Variants in RBM48 observed in about 807,000 individuals in gnomAD.
The protein encoded by RBM48 is RNA-binding protein 48.
In RBM48, 32 loss-of-function variants were observed where a neutral mutation model predicts 34.8. That is an observed-to-expected ratio of 0.92 (90% confidence interval 0.69 to 1.23). RBM48 has a LOEUF of 1.23. Among genes scored for constraint, RBM48 ranks in the 50% most tolerant of loss-of-function variants. The pLI is 0.00. For missense variants in RBM48, 441 were observed against 447.2 expected, an observed-to-expected ratio of 0.99 and a Z score of 0.12; for synonymous variants, 151 against 156.2, an observed-to-expected ratio of 0.97 and a Z score of 0.25.
Position 92,536,098 on chromosome 7 carries a change from C to T in RBM48, c.1018-753C>T, listed in dbSNP as rs531722074. The T allele has an allele frequency of 2.6e-4, 244 of 923,826 alleles. No homozygotes were observed. The African/African-American group carries it at 3.9e-3, about 15-fold the overall frequency. 57.2% of individuals were successfully genotyped at this position (923,826 alleles called of 1,614,324 possible). ...TGAGCCAAGATCATGCCACTGCACT[C>T]CAGCCTGGGTGACAGTGTGAGACCC... On this transcript the variant is annotated intron_variant, in intron 4 of 4. Transcript: ENST00000265732.
rs201986963 is a variant in RBM48, at chr7:92,534,828, G to A, written c.875G>A (p.Arg292His). ...CGCAAAAGAAGAAGAGAAGATGATCGTAAACTTGGAACTTTTCTTCAAACA... is the reference window on the plus strand; with the variant it reads ...CGCAAAAGAAGAAGAGAAGATGATCATAAACTTGGAACTTTTCTTCAAACA... ...QERKRRREDD[R>H]KLGTFLQTNP... Residue 292 changes from arginine (R) to histidine (H), a missense_variant, in exon 4 of 5, where the codon CGT becomes CAT. Arg to His is a conservative substitution (Grantham distance 29). Transcript: ENST00000265732. 7 of 1,614,126 alleles carry A rather than the reference G, an allele frequency of 4.3e-6. No individual in the cohort carries two copies. In the African/African-American group the frequency reaches 5.3e-5, roughly 12 times the overall value.
At chr7:92,535,041 G>A (rs1394896337) in intron 4 of RBM48, 71 bp downstream of exon 4, 3 of 1,571,916 alleles carry the variant, frequency 1.9e-6, no homozygotes, top group Non-Finnish European at 2.6e-6. Context: ...ATTATTTGTG[G>A]GAACAATAGT....
At chr7:92,533,197 C>A (rs142310728) in intron 3 of RBM48, among the ~76,000 whole-genome samples, 4 of 152,314 alleles carry the variant, frequency 2.6e-5, no homozygotes, top group East Asian at 3.9e-4. Flanking sequence ...GGTAAGAGAG[C>A]TGTTGAGAAT....
chr7:92,531,583 C>G (rs1269037067), intron 2 of RBM48, among the ~76,000 whole-genome samples: 1 of 152,218 alleles, frequency 6.6e-6, no homozygotes, highest in African/African-American at 2.4e-5. Flanking sequence ...TGTAATTTCA[C>G]TTTCTTAACC....
Position 92,534,450 on chromosome 7 carries a change from A to G in RBM48, c.497A>G (p.Glu166Gly). 1 of 1,613,998 alleles carries G rather than the reference A, an allele frequency of 6.2e-7. No homozygotes were observed. ...TTGGTTACAGAGCATAAAGACACAGAGGATTTTAGACAAGACTTCCACTCA... is the reference window on the plus strand; with the variant it reads ...TTGGTTACAGAGCATAAAGACACAGGGGATTTTAGACAAGACTTCCACTCA... The part of the protein sequence containing the change: ...KKLVTEHKDT[E>G]DFRQDFHSEM... The change falls in exon 4 of 5, where the codon GAG (glutamate) becomes GGG (glycine). Residue 166 changes from glutamate (E) to glycine (G), a missense_variant. Glu to Gly is a moderately conservative substitution (Grantham distance 98). Coordinates refer to ENST00000265732, the MANE Select transcript of RBM48 (RefSeq NM_032120.4).
Position 92,529,592 on chromosome 7 carries a change from T to C in RBM48, c.228T>C (p.Asn76=), listed in dbSNP as rs1454178033. The change falls in exon 2 of 5, where the codon AAT becomes AAC. Residue 76 remains asparagine, a synonymous_variant. Coordinates refer to ENST00000265732, the MANE Select transcript of RBM48 (RefSeq NM_032120.4). ...TATATGGTGCAATTGAACAGTACAATGCTCTAGATGAATACCCAGCAGAAG... is the reference window on the plus strand; with the variant it reads ...TATATGGTGCAATTGAACAGTACAACGCTCTAGATGAATACCCAGCAGAAG... ...FALYGAIEQY[N]ALDEYPAEDF... 3 of 1,610,526 alleles carry C rather than the reference T, an allele frequency of 1.9e-6. No individual in the cohort carries two copies. The highest frequency in any genetic ancestry group is 2.5e-6 in the Non-Finnish European group (3 of 1,177,520).
Position 92,536,975 on chromosome 7 carries a change from TTTA to T in RBM48, c.*44_*46del. 1 of 1,392,122 alleles carries T rather than the reference TTTA, an allele frequency of 7.2e-7. No homozygotes were observed. Among genetic ancestry groups the T allele is most frequent in the Non-Finnish European group, 9.8e-7 (1 of 1,024,746 alleles). 86.2% of individuals were successfully genotyped at this position (1,392,122 alleles called of 1,614,324 possible). A position where few individuals can be genotyped will look rare whatever the true frequency, so the allele number is the denominator to read the frequency against. On this transcript the variant is annotated 3_prime_UTR_variant, in exon 5 of 5. Transcript: ENST00000265732. ...AACTTAGTATTTTCTAAAAAGAACATTTATTATTTATTTTTAGCCTGTCATTTT... is the reference window on the plus strand; with the variant it reads ...AACTTAGTATTTTCTAAAAAGAACATTTATTTATTTTTAGCCTGTCATTTT...
intron 2 of RBM48, among the ~76,000 whole-genome samples, chr7:92,530,773 C>T (rs1317775125): frequency 6.7e-6 from 1 of 150,188 alleles, no homozygotes; most frequent in Non-Finnish European, 1.5e-5. Context: ...GCACTCCAGC[C>T]TGGGCAAGAG....
At chr7:92,530,905 A>AT (rs1379595132) in intron 2 of RBM48, among the ~76,000 whole-genome samples, 1 of 151,996 alleles carries the variant, frequency 6.6e-6, no homozygotes, top group Non-Finnish European at 1.5e-5. Context: ...CATGGCCAGT[A>AT]TTTTGTATTT....
At chr7:92,529,825 CTG>C (rs1239212495) in intron 2 of RBM48, among the ~76,000 whole-genome samples, 159 bp downstream of exon 2, 8 of 152,210 alleles carry the variant, frequency 5.3e-5, no homozygotes, top group Non-Finnish European at 1.2e-4. Context: ...TACTGAAACA[CTG>C]TATCCATCAC....
At chr7:92,532,810 A>T (rs1793609382) in intron 3 of RBM48, among the ~76,000 whole-genome samples, 1 of 152,224 alleles carries the variant, frequency 6.6e-6, no homozygotes, top group South Asian at 2.1e-4. Context: ...ATGGGAGAGG[A>T]AAAGATGGAA....
rs1236938584 is a variant in RBM48, at chr7:92,537,456, A to G, written c.*519A>G. The G allele has an allele frequency of 6.6e-6, 1 of 152,152 alleles. No homozygotes were observed. Among genetic ancestry groups the G allele is most frequent in the African/African-American group, 2.4e-5 (1 of 41,444 alleles). 9.4% of individuals were successfully genotyped at this position (152,152 alleles called of 1,614,324 possible). ...CTCTCATGTACAGTAATTATATGTA[A>G]ATTAATTGAAGCAAATATGGAAACT... On this transcript the variant is annotated 3_prime_UTR_variant, in exon 5 of 5. Transcript: ENST00000265732.
At chr7:92,531,713 G>C (rs1168495017) in intron 2 of RBM48, among the ~76,000 whole-genome samples, 1 of 152,224 alleles carries the variant, frequency 6.6e-6, no homozygotes, top group African/African-American at 2.4e-5. Flanking sequence ...CCTCAAACCA[G>C]ACTATGAGCA....
At position 92,532,482 on chromosome 7, in the gene RBM48, A is replaced by C; in HGVS notation, c.381A>C (p.Thr127=). The change falls in exon 3 of 5, where the codon ACA becomes ACC. Residue 127 remains threonine (T), a synonymous_variant. Transcript: ENST00000265732. The stretch of plus-strand genomic sequence containing the variant: ...TGTGCTATGCTCCAGAATTTGAAAC[A>C]GTTGAAGAAACTAGAAAAAAACTAC... ...LHVCYAPEFE[T]VEETRKKLQM... 1.2e-6 allele frequency: 2 copies of C among 1,612,830 alleles called. No individual in the cohort carries two copies.
Position 92,529,544 on chromosome 7 carries a change from G to A in RBM48, c.180G>A (p.Lys60=). ...GAGTTCCTGCTGTGGGAGTCATGAA[G>A]GAATTAGTTGAGCGATTCGCTTTAT... ...IQGVPAVGVM[K]ELVERFALYG... The change falls in exon 2 of 5, where the codon AAG becomes AAA. Residue 60 remains lysine (K), a synonymous_variant. Transcript: ENST00000265732. 1 of 1,611,874 alleles carries A rather than the reference G, an allele frequency of 6.2e-7. No homozygotes were observed. The highest frequency in any genetic ancestry group is 1.7e-5 in the Admixed American group (1 of 59,986).
Position 92,534,487 on chromosome 7 carries a change from A to G in RBM48, c.534A>G (p.Gly178=), listed in dbSNP as rs1219540118. The G allele has an allele frequency of 6.2e-7, 1 of 1,614,158 alleles. No homozygotes were observed. The highest frequency in any genetic ancestry group is 1.1e-5 in the South Asian group (1 of 91,082). The change falls in exon 4 of 5, where the codon GGA becomes GGG. Residue 178 remains glycine, a synonymous_variant. Transcript: ENST00000265732. ...AAGACTTCCACTCAGAGATGTCTGG[A>G]TTTTGTAAAGCTGCTTTGAACACTT... The part of the protein sequence containing the change: ...FRQDFHSEMS[G]FCKAALNTSA...
intron 3 of RBM48, among the ~76,000 whole-genome samples, 164 bp downstream of exon 3, chr7:92,532,713 G>T (rs1793606897): frequency 6.6e-6 from 1 of 152,236 alleles, no homozygotes; most frequent in South Asian, 2.1e-4. Context: ...AATCTGGGTT[G>T]AGAAGGGAGA....
intron 3 of RBM48, among the ~76,000 whole-genome samples, chr7:92,533,967 TAAAA>T (rs768646005): frequency 1.2e-5 from 1 of 83,914 alleles, no homozygotes; most frequent in Admixed American, 1.3e-4. Context: ...TCTGAAATTG[TAAAA>T]AAAAAAAAAA....
intron 2 of RBM48, 85 bp downstream of exon 2, chr7:92,529,751 A>G: frequency 1.2e-6 from 1 of 812,826 alleles, no homozygotes; most frequent in Non-Finnish European, 1.9e-6. Context: ...TCCCTCATTC[A>G]TAACTGAATT....
Sources: allele counts gnomAD v4.1 joint callset (sites outside exome capture counted in the v4.1 genomes callset), GRCh38; gene constraint gnomAD v4.1.1; transcripts MANE v1.5; gene names NCBI Gene and HGNC (gene_info 2026-07-23, HGNC 2026-07-21).